The following DMD variants were observed in gnomAD, a reference collection of about 807,000 sequenced individuals.
DMD encodes the protein mutant dystrophin.
Under a neutral mutation model 330.1 loss-of-function variants are expected in DMD, and 63 were observed. The ratio of observed to expected loss-of-function variants is 0.19; its 90% CI spans 0.16 to 0.24. DMD has a LOEUF of 0.24. Among genes scored for constraint, DMD ranks in the 10% least tolerant of loss-of-function variants. The pLI is 1.00. For missense variants in DMD, 3,344 were observed against 2,684.1 expected (o/e 1.25, Z -5.43); for synonymous variants, 1,223 against 959.8 (o/e 1.27, Z -5.07).
At chrX:31,133,977 G>A in intron 77 of DMD, 125 bp downstream of exon 77, 1 of 578,762 alleles carries the variant, frequency 1.7e-6, no homozygotes, top group Admixed American at 2.7e-5. Flanking sequence ...TTTCACCATG[G>A]ACCCAAATTG....
intron 49 of DMD, among the ~76,000 whole-genome samples, chrX:31,831,758 C>T (rs1603483335): frequency 9.0e-6 from 1 of 110,583 alleles, no homozygotes; most frequent in Admixed American, 9.6e-5. Flanking sequence ...GCCACCAAGC[C>T]CGGCTAATTT....
At chrX:32,304,214 A>T (rs34915660) in intron 42 of DMD, among the ~76,000 whole-genome samples, 18,272 of 110,867 alleles carry the variant, frequency 0.16, 1,380 homozygotes, top group Admixed American at 0.23. Flanking sequence ...CCCACAACTT[A>T]ACTGCAACTT....
rs1019444672 is a variant in DMD, at chrX:31,147,224, T to A, written c.10797+51A>T. 4 of 1,206,655 alleles carry A rather than the reference T, an allele frequency of 3.3e-6. No homozygotes were observed. In the African/African-American group the frequency reaches 7.0e-5, roughly 21 times the overall value. On this transcript the variant is annotated intron_variant, in intron 75 of 78. Transcript: ENST00000357033. Reference sequence around the variant, plus strand: ...AAAAGTGCTCTCTGAGGTTTAGTTTTGTTTAAGAGGGAAAAATGAATGTTT... The same window carrying A: ...AAAAGTGCTCTCTGAGGTTTAGTTTAGTTTAAGAGGGAAAAATGAATGTTT...
intron 2 of DMD, among the ~76,000 whole-genome samples, chrX:32,915,295 A>C (rs376208678): frequency 3.6e-5 from 4 of 111,285 alleles, no homozygotes; most frequent in African/African-American, 6.5e-5. Context: ...ATTCTCTTAA[A>C]ATTTTAATAT....
chrX:31,121,495 TTTTTATA>T lies in DMD; in HGVS notation c.*417_*423del, dbSNP rs1205115578. On this transcript the variant is annotated 3_prime_UTR_variant, in exon 79 of 79. Coordinates refer to ENST00000357033, the MANE Select transcript of DMD (RefSeq NM_004006.3). Reference sequence around the variant, plus strand: ...TTTAGGGGTTTTTATAAACAACTTTTTTTTATAAAGCACACTTTAGTTTACAATCTTT... The same window carrying T: ...TTTAGGGGTTTTTATAAACAACTTTTAAGCACACTTTAGTTTACAATCTTT... 1.1e-5 allele frequency: 2 copies of T among 175,168 alleles called. No individual in the cohort carries two copies. Among genetic ancestry groups the T allele is most frequent in the Non-Finnish European group, 2.1e-5 (2 of 94,787 alleles). 14.4% of individuals were successfully genotyped at this position (175,168 alleles called of 1,213,427 possible). A position where few individuals can be genotyped will look rare whatever the true frequency, so the allele number is the denominator to read the frequency against.
chrX:32,362,680 C>A, intron 37 of DMD, 108 bp downstream of exon 37: 1 of 896,434 alleles, frequency 1.1e-6, no homozygotes, highest in African/African-American at 2.0e-5. Flanking sequence ...CATTCATTTT[C>A]CTTTTGAAAA....
chrX:31,420,854 A>C (rs140134773), intron 60 of DMD, among the ~76,000 whole-genome samples: 1 of 112,384 alleles, frequency 8.9e-6, no homozygotes, highest in East Asian at 2.8e-4. Flanking sequence ...AGTCATGCAT[A>C]TCCAAATGAG....
At chrX:32,119,893 C>T (rs190968415) in intron 44 of DMD, among the ~76,000 whole-genome samples, 49 of 112,202 alleles carry the variant, frequency 4.4e-4, no homozygotes, top group East Asian at 3.7e-3. Context: ...CCATCACACC[C>T]TGTGGTCACC....
At chrX:33,114,187 G>A (rs1488485257) in intron 1 of DMD, among the ~76,000 whole-genome samples, 1 of 104,030 alleles carries the variant, frequency 9.6e-6, no homozygotes, top group Non-Finnish European at 1.9e-5. Flanking sequence ...TTGGCTTACT[G>A]CAGCCTCCAC....
intron 20 of DMD, among the ~76,000 whole-genome samples, chrX:32,486,101 T>C (rs1284897569): frequency 9.1e-6 from 1 of 110,103 alleles, no homozygotes; most frequent in African/African-American, 3.3e-5. Flanking sequence ...CTGGCATAAT[T>C]ATTAGTAGCA....
intron 1 of DMD, among the ~76,000 whole-genome samples, chrX:33,117,016 A>G (rs1434307256): frequency 9.0e-6 from 1 of 110,973 alleles, no homozygotes; most frequent in East Asian, 2.8e-4. Context: ...TTTCGGCTAC[A>G]TAGTCATTAA....
chrX:31,495,641 G>A (rs372655112), intron 57 of DMD, among the ~76,000 whole-genome samples: 2 of 111,786 alleles, frequency 1.8e-5, no homozygotes, highest in African/African-American at 3.2e-5. Flanking sequence ...TTGCTTGTTC[G>A]GTATGAAAGG....
At chrX:31,520,272 TG>T (rs776335797) in intron 55 of DMD, among the ~76,000 whole-genome samples, 14 of 111,252 alleles carry the variant, frequency 1.3e-4, no homozygotes, top group Non-Finnish European at 2.6e-4. Context: ...GATTGGATCA[TG>T]GGGGTGGCTT....
chrX:31,253,265 C>T (rs1184197471), intron 63 of DMD, among the ~76,000 whole-genome samples: 4 of 112,171 alleles, frequency 3.6e-5, no homozygotes, highest in Non-Finnish European at 7.5e-5. Context: ...CAGTTCAAAG[C>T]GTTATGGCAG....
At chrX:31,666,472 A>T (rs1334576313) in intron 53 of DMD, among the ~76,000 whole-genome samples, 13 of 112,214 alleles carry the variant, frequency 1.2e-4, no homozygotes, top group African/African-American at 4.2e-4. Context: ...AAGCCTCTAG[A>T]TTTGAGGTTG....
chrX:32,783,954 C>T (rs1220026318), intron 7 of DMD, among the ~76,000 whole-genome samples: 3 of 105,913 alleles, frequency 2.8e-5, no homozygotes, highest in East Asian at 2.9e-4. Flanking sequence ...AGAGATTTCC[C>T]GATCCAAGCT....
At chrX:32,147,936 G>C (rs2096785979) in intron 44 of DMD, among the ~76,000 whole-genome samples, 1 of 101,187 alleles carries the variant, frequency 9.9e-6, no homozygotes, top group Non-Finnish European at 2.0e-5. Flanking sequence ...GGAGTGCAGT[G>C]GCGCGATCTC....
intron 52 of DMD, among the ~76,000 whole-genome samples, chrX:31,723,273 T>C (rs929696625): frequency 1.1e-5 from 1 of 86,982 alleles, no homozygotes; most frequent in African/African-American, 5.7e-5. Context: ...AAAAGTAACA[T>C]CACTCCTGCA....
intron 2 of DMD, among the ~76,000 whole-genome samples, chrX:32,887,520 C>G (rs1393093718): frequency 2.8e-5 from 3 of 107,337 alleles, no homozygotes; most frequent in Non-Finnish European, 3.8e-5. Flanking sequence ...GAGGTTGAGG[C>G]GGGCAGATCA....
Sources: allele counts gnomAD v4.1 joint callset (sites outside exome capture counted in the v4.1 genomes callset), GRCh38; gene constraint gnomAD v4.1.1; transcripts MANE v1.5; gene names NCBI Gene and HGNC (gene_info 2026-07-23, HGNC 2026-07-21).